Variants in AKR1C8 observed in about 807,000 individuals in gnomAD.
The protein encoded by AKR1C8 is aldo-keto reductase family 1 member C-like protein 1.
chr10:5,133,490 T>C, the AKR1C8 span, among the ~76,000 whole-genome samples: 1 of 152,162 alleles, frequency 6.6e-6, no homozygotes. Context: ...GATTCCTCTC[T>C]CAGTGATGTT....
chr10:5,167,750 G>T, the AKR1C8 span, among the ~76,000 whole-genome samples: 2 of 149,534 alleles, frequency 1.3e-5, no homozygotes, highest in African/African-American at 4.9e-5. Flanking sequence ...TGCACATTGT[G>T]CACATGTAGC....
chr10:5,174,637 T>A, the AKR1C8 span, among the ~76,000 whole-genome samples: 1 of 151,960 alleles, frequency 6.6e-6, no homozygotes, highest in African/African-American at 2.4e-5. Flanking sequence ...ATAAAACAAC[T>A]TACCAGGTTT....
At chr10:5,141,231 T>C in the AKR1C8 span, among the ~76,000 whole-genome samples, 1 of 152,186 alleles carries the variant, frequency 6.6e-6, no homozygotes. Context: ...AAGGAACTCT[T>C]AATCTCTTAA....
the AKR1C8 span, among the ~76,000 whole-genome samples, chr10:5,125,967 T>C: frequency 6.6e-6 from 1 of 152,162 alleles, no homozygotes; most frequent in Non-Finnish European, 1.5e-5. Flanking sequence ...GGAAGGAGCG[T>C]CACATCAAGA....
chr10:5,116,760 G>C, the AKR1C8 span, among the ~76,000 whole-genome samples: 1 of 152,292 alleles, frequency 6.6e-6, no homozygotes, highest in African/African-American at 2.4e-5. Flanking sequence ...CAGGGATGTA[G>C]GACATCAAAG....
the AKR1C8 span, among the ~76,000 whole-genome samples, chr10:5,123,024 G>A: frequency 6.6e-6 from 1 of 152,170 alleles, no homozygotes; most frequent in South Asian, 2.1e-4. Context: ...CGCTAGCACA[G>A]GAATGCATAA....
the AKR1C8 span, among the ~76,000 whole-genome samples, chr10:5,162,188 A>T: frequency 6.6e-6 from 1 of 152,222 alleles, no homozygotes; most frequent in African/African-American, 2.4e-5. Flanking sequence ...AACTGTGAAG[A>T]AAACTGTGAG....
the AKR1C8 span, among the ~76,000 whole-genome samples, chr10:5,127,090 C>G: frequency 6.6e-6 from 1 of 152,100 alleles, no homozygotes; most frequent in Non-Finnish European, 1.5e-5. Flanking sequence ...AAAGATCACA[C>G]TAGCTCCCCA....
At chr10:5,164,330 T>C in the AKR1C8 span, among the ~76,000 whole-genome samples, 15 of 152,008 alleles carry the variant, frequency 9.9e-5, no homozygotes, top group Non-Finnish European at 1.8e-4. Flanking sequence ...CTCTCTACTA[T>C]AGAGAGCTTT....
At chr10:5,140,939 T>C in the AKR1C8 span, among the ~76,000 whole-genome samples, 9 of 152,268 alleles carry the variant, frequency 5.9e-5, no homozygotes, top group Admixed American at 5.9e-4. Flanking sequence ...ATTTCTTAAA[T>C]AAAATACAAC....
chr10:5,183,523 T>C, the AKR1C8 span, among the ~76,000 whole-genome samples: 1 of 152,154 alleles, frequency 6.6e-6, no homozygotes, highest in Non-Finnish European at 1.5e-5. Flanking sequence ...GTAATACTAA[T>C]AACACCACAC....
At chr10:5,158,762 T>C in the AKR1C8 span, 3 of 466,652 alleles carry the variant, frequency 6.4e-6, no homozygotes, top group South Asian at 1.6e-5. Flanking sequence ...AATAACCACA[T>C]GCAAATTTAA....
At chr10:5,168,368 C>A in the AKR1C8 span, among the ~76,000 whole-genome samples, 1 of 152,008 alleles carries the variant, frequency 6.6e-6, no homozygotes, top group Non-Finnish European at 1.5e-5. Context: ...TCCCATTTTC[C>A]AGAGCCTCTC....
the AKR1C8 span, among the ~76,000 whole-genome samples, chr10:5,148,289 A>T: frequency 6.6e-6 from 1 of 152,222 alleles, no homozygotes; most frequent in Admixed American, 6.5e-5. Context: ...AAAAATAAGA[A>T]GTGGGGAGGA....
At chr10:5,116,077 G>A in the AKR1C8 span, among the ~76,000 whole-genome samples, 18 of 152,118 alleles carry the variant, frequency 1.2e-4, no homozygotes, top group African/African-American at 3.6e-4. Flanking sequence ...CTGCTGGATT[G>A]GGCTGTTGTA....
At chr10:5,160,227 G>A in the AKR1C8 span, among the ~76,000 whole-genome samples, 2 of 152,082 alleles carry the variant, frequency 1.3e-5, no homozygotes, top group African/African-American at 2.4e-5. Flanking sequence ...ACAGCAAGTA[G>A]ACATATTTGT....
At chr10:5,184,725 G>T in the AKR1C8 span, among the ~76,000 whole-genome samples, 6,317 of 152,234 alleles carry the variant, frequency 0.041, 205 homozygotes, top group Non-Finnish European at 0.062. Flanking sequence ...AAAATACATG[G>T]AAAGCATTTG....
chr10:5,131,839 T>TA, the AKR1C8 span, among the ~76,000 whole-genome samples: 1 of 152,106 alleles, frequency 6.6e-6, no homozygotes, highest in African/African-American at 2.4e-5. Context: ...GTCCCACTAC[T>TA]GGCATCTATC....
chr10:5,128,697 T>C, the AKR1C8 span, among the ~76,000 whole-genome samples: 3 of 151,172 alleles, frequency 2.0e-5, no homozygotes, highest in African/African-American at 7.3e-5. Flanking sequence ...ACAAAGAAAA[T>C]AATTATATAA....
Sources: gnomAD v4.1 joint callset for allele counts (sites outside exome capture counted in the v4.1 genomes callset) on GRCh38, gnomAD v4.1.1 for gene constraint, MANE v1.5 for transcripts, NCBI Gene and HGNC (gene_info 2026-07-23, HGNC 2026-07-21) for gene names.